The following TTLL13 variants were observed in gnomAD, a reference collection of about 807,000 sequenced individuals.
TTLL13 encodes tubulin polyglutamylase TTLL13.
At chr15:90,257,167 T>C in the TTLL13 span, 2 of 1,613,814 alleles carry the variant, frequency 1.2e-6, no homozygotes, top group Non-Finnish European at 1.7e-6. Flanking sequence ...TCAAGTTTGA[T>C]ATGCGAGTCT....
the TTLL13 span, chr15:90,265,071 A>G: frequency 2.2e-6 from 3 of 1,395,148 alleles, no homozygotes; most frequent in Non-Finnish European, 2.8e-6. Context: ...TCCACTTTGA[A>G]AAGCCCTGCC....
the TTLL13 span, chr15:90,250,786 T>A: frequency 6.2e-7 from 1 of 1,614,102 alleles, no homozygotes; most frequent in Non-Finnish European, 8.5e-7. Flanking sequence ...AAAATGGGGT[T>A]CCCTCACCCA....
the TTLL13 span, chr15:90,262,053 G>T: frequency 7.2e-6 from 11 of 1,535,820 alleles, no homozygotes; most frequent in Non-Finnish European, 8.7e-6. Context: ...GACCAGGAAC[G>T]ATATGAGGAT....
the TTLL13 span, chr15:90,262,123 C>T: frequency 7.2e-5 from 110 of 1,535,884 alleles, no homozygotes; most frequent in East Asian, 2.7e-3. Context: ...AGTATGCCCG[C>T]TTCTTCAAGC....
chr15:90,257,651 G>T, the TTLL13 span: 1 of 1,614,186 alleles, frequency 6.2e-7, no homozygotes, highest in Non-Finnish European at 8.5e-7. Flanking sequence ...ATGTCTGCAT[G>T]CACCTGACCA....
chr15:90,262,192 G>C, the TTLL13 span: 776 of 1,529,200 alleles, frequency 5.1e-4, 4 homozygotes, highest in African/African-American at 9.7e-3. Flanking sequence ...AGTGTGCCAG[G>C]TACTTTGACC....
chr15:90,256,547 TTCTTTCTTTC>T, the TTLL13 span, among the ~76,000 whole-genome samples: 1 of 23,526 alleles, frequency 4.3e-5, no homozygotes, highest in African/African-American at 2.1e-4. Flanking sequence ...TCCTTCCTTT[TTCTTTCTTTC>T]TTTCTTTCTT....
chr15:90,263,602 T>A, the TTLL13 span: 5 of 576,956 alleles, frequency 8.7e-6, no homozygotes, highest in South Asian at 1.1e-4. Context: ...GGGTCTTCTG[T>A]TTTTGTTGAA....
chr15:90,262,678 G>A, the TTLL13 span: 2 of 1,471,338 alleles, frequency 1.4e-6, no homozygotes, highest in Non-Finnish European at 8.9e-7. Context: ...AGGTGCCAGG[G>A]GTTTTGTAGC....
At chr15:90,256,468 A>C in the TTLL13 span, among the ~76,000 whole-genome samples, 1 of 152,006 alleles carries the variant, frequency 6.6e-6, no homozygotes, top group Non-Finnish European at 1.5e-5. Context: ...CCTGGGGTTG[A>C]ATCTCAGTTT....
the TTLL13 span, among the ~76,000 whole-genome samples, chr15:90,253,783 C>A: frequency 6.6e-6 from 1 of 152,144 alleles, no homozygotes; most frequent in East Asian, 1.9e-4. Flanking sequence ...TGCCTGGTGG[C>A]AAGAAATTCA....
the TTLL13 span, among the ~76,000 whole-genome samples, chr15:90,261,380 CTT>C: frequency 3.5e-3 from 494 of 141,384 alleles, 3 homozygotes; most frequent in African/African-American, 0.011. Flanking sequence ...TGCCCGGCCA[CTT>C]TTTTTTTTTT....
chr15:90,254,916 CA>C, the TTLL13 span, among the ~76,000 whole-genome samples: 2 of 152,206 alleles, frequency 1.3e-5, no homozygotes, highest in African/African-American at 2.4e-5. Flanking sequence ...TACTGTACAA[CA>C]GACTCCGTGT....
At chr15:90,257,514 C>T in the TTLL13 span, 5 of 1,037,126 alleles carry the variant, frequency 4.8e-6, no homozygotes, top group African/African-American at 6.3e-5. Context: ...TAGCAGTCCT[C>T]TGGTGGAGAG....
the TTLL13 span, chr15:90,258,812 G>C: frequency 6.2e-7 from 1 of 1,614,202 alleles, no homozygotes; most frequent in Non-Finnish European, 8.5e-7. Flanking sequence ...ACTTCTCTGT[G>C]ATGCTATGAC....
chr15:90,257,006 G>A, the TTLL13 span: 1 of 871,876 alleles, frequency 1.1e-6, no homozygotes, highest in Non-Finnish European at 1.7e-6. Flanking sequence ...TATTAAGTGG[G>A]AGTAATAACA....
chr15:90,257,365 CTG>C, the TTLL13 span: 1 of 1,508,632 alleles, frequency 6.6e-7, no homozygotes, highest in Non-Finnish European at 8.9e-7. Flanking sequence ...AGGTTTGTCA[CTG>C]TCACCAAAGA....
the TTLL13 span, chr15:90,250,938 T>C: frequency 6.9e-6 from 11 of 1,582,856 alleles, no homozygotes; most frequent in Admixed American, 5.5e-5. Flanking sequence ...GAGTCACCCA[T>C]TGGCCTCCCT....
the TTLL13 span, chr15:90,250,800 T>A: frequency 1.2e-6 from 2 of 1,614,218 alleles, no homozygotes; most frequent in Non-Finnish European, 1.7e-6. Context: ...TCACCCATTA[T>A]GGCCACAAAA....
Sources: allele counts gnomAD v4.1 joint callset (sites outside exome capture counted in the v4.1 genomes callset), GRCh38; gene constraint gnomAD v4.1.1; transcripts MANE v1.5; gene names NCBI Gene and HGNC (gene_info 2026-07-23, HGNC 2026-07-21).